TPRX1: variants seen among roughly 807,000 people sequenced by gnomAD.
TPRX1 encodes the protein tetra-peptide repeat homeobox protein 1.
Under a neutral mutation model 8.1 loss-of-function variants are expected in TPRX1, and 2 were observed. The ratio of observed to expected loss-of-function variants is 0.25; its 90% CI spans 0.10 to 0.78. The LOEUF is 0.78. Ranked by LOEUF, TPRX1 falls within the 30% of genes least tolerant of loss-of-function variation. The pLI is 0.70. For missense variants in TPRX1, 517 were observed against 586.9 expected, an observed-to-expected ratio of 0.88 and a Z score of 1.23; for synonymous variants, 257 against 254.1, an observed-to-expected ratio of 1.01 and a Z score of -0.11.
At chr19:47,817,515 G>A (rs145413642) in intron 2 of TPRX1, among the ~76,000 whole-genome samples, 111 of 152,324 alleles carry the variant, frequency 7.3e-4, no homozygotes, top group Non-Finnish European at 1.1e-3. Context: ...TCTCAGAGGA[G>A]GAAACTGAGG....
Position 47,803,079 on chromosome 19 carries a change from C to G in TPRX1, c.322-99G>C, listed in dbSNP as rs1347548719. 2.3e-5 allele frequency: 31 copies of G among 1,345,390 alleles called. No individual in the cohort carries two copies. In the East Asian group the frequency reaches 7.4e-4, roughly 32 times the overall value. 83.3% of individuals were successfully genotyped at this position (1,345,390 alleles called of 1,614,324 possible). On this transcript the variant is annotated intron_variant, in intron 3 of 3. Coordinates refer to ENST00000535759, the Ensembl canonical transcript of TPRX1. The stretch of plus-strand genomic sequence containing the variant: ...GGCCAGCCTGAAGCCTCTCCCTGTG[C>G]TCAACAGCCCCCCATCCCCCACCCC...
intron 2 of TPRX1, among the ~76,000 whole-genome samples, chr19:47,810,572 C>T (rs1240991491): frequency 6.6e-6 from 1 of 152,000 alleles, no homozygotes; most frequent in Non-Finnish European, 1.5e-5. Context: ...TGGTCTTGAA[C>T]TCCTGACCCT....
At chr19:47,810,458 C>T (rs1190031371) in intron 2 of TPRX1, among the ~76,000 whole-genome samples, 1 of 148,038 alleles carries the variant, frequency 6.8e-6, no homozygotes, top group Admixed American at 6.8e-5. Context: ...AAACCCTTCT[C>T]CTGCCTCAGC....
At chr19:47,811,490 T>G (rs1967781961) in intron 2 of TPRX1, among the ~76,000 whole-genome samples, 1 of 144,738 alleles carries the variant, frequency 6.9e-6, no homozygotes, top group South Asian at 2.2e-4. Context: ...ACCATGTTCA[T>G]GGCAACTTTT....
chr19:47,811,353 T>C (rs886627139), intron 2 of TPRX1, among the ~76,000 whole-genome samples: 1 of 151,696 alleles, frequency 6.6e-6, no homozygotes, highest in African/African-American at 2.4e-5. Flanking sequence ...CAATAAGGTG[T>C]CTTTAAACCG....
chr19:47,803,300 G>GGACA (rs1409208518), intron 3 of TPRX1, among the ~76,000 whole-genome samples: 3 of 151,812 alleles, frequency 2.0e-5, no homozygotes, highest in Non-Finnish European at 2.9e-5. Flanking sequence ...ACCCCGTGGG[G>GGACA]GACAGCCTGG....
chr19:47,815,687 C>G (rs1427834692), intron 2 of TPRX1, among the ~76,000 whole-genome samples: 1 of 147,378 alleles, frequency 6.8e-6, no homozygotes, highest in African/African-American at 2.5e-5. Context: ...TGGTGTGCAC[C>G]TGTAGTTCCA....
intron 2 of TPRX1, among the ~76,000 whole-genome samples, chr19:47,808,802 G>A (rs543696574): frequency 6.6e-6 from 1 of 152,096 alleles, no homozygotes; most frequent in South Asian, 2.1e-4. Flanking sequence ...TACTTGCTCC[G>A]CTGTGAATAA....
At chr19:47,807,632 C>G (rs888915876) in intron 2 of TPRX1, among the ~76,000 whole-genome samples, 2 of 152,230 alleles carry the variant, frequency 1.3e-5, no homozygotes, top group African/African-American at 2.4e-5. Context: ...CTTAGCTTCT[C>G]AAAGTGCTGG....
intron 2 of TPRX1, 73 bp from the exon 2 acceptor site, chr19:47,803,746 G>T: frequency 8.0e-6 from 6 of 752,500 alleles, no homozygotes; most frequent in Non-Finnish European, 1.2e-5. Flanking sequence ...CCCGTCCCCT[G>T]CACCAGGCCA....
Position 47,815,127 on chromosome 19 carries a change from T to TGCAAATATATATATATATGCAA in TPRX1, c.151+3340_151+3341insTTGCATATATATATATATTTGC, listed in dbSNP as rs200783256. ...TAAATAGATAAATTATATATATATA[T>TGCAAATATATATATATATGCAA]ATATATATATATATATGCAAATATA... On this transcript the variant is annotated intron_variant, in intron 2 of 3. Transcript: ENST00000535759. Among the ~76,000 whole-genome samples, 752 of 104,188 alleles carry TGCAAATATATATATATATGCAA rather than the reference T, an allele frequency of 7.2e-3. 8 individuals are homozygous for TGCAAATATATATATATATGCAA. The highest frequency in any genetic ancestry group is 0.012 in the Non-Finnish European group (579 of 49,952). The allele number at this position is 104,188 out of a possible 152,430, so 68.4% of individuals were successfully genotyped here.
chr19:47,803,918 G>C (rs570816455), intron 2 of TPRX1, among the ~76,000 whole-genome samples: 1 of 151,998 alleles, frequency 6.6e-6, no homozygotes, highest in Admixed American at 6.6e-5. Flanking sequence ...CGGAGCAGAC[G>C]GGGCTGCCTC....
At chr19:47,816,533 T>TTTA (rs1967842608) in intron 2 of TPRX1, among the ~76,000 whole-genome samples, 1 of 145,400 alleles carries the variant, frequency 6.9e-6, no homozygotes, top group African/African-American at 2.6e-5. Flanking sequence ...CTGGGAATTT[T>TTTA]TTTTTTTTTT....
chr19:47,816,756 T>A (rs1217922553), intron 2 of TPRX1, among the ~76,000 whole-genome samples: 9 of 151,488 alleles, frequency 5.9e-5, no homozygotes, highest in East Asian at 5.8e-4. Flanking sequence ...ATGGTCTCGA[T>A]CTCCTGACCT....
chr19:47,805,670 A>G (rs1444626608), intron 2 of TPRX1, among the ~76,000 whole-genome samples: 1 of 152,210 alleles, frequency 6.6e-6, no homozygotes, highest in African/African-American at 2.4e-5. Flanking sequence ...TGTAGAAAGC[A>G]GCATCCCCAG....
chr19:47,818,645 C>G (rs1276166472), intron 1 of TPRX1: 1 of 435,262 alleles, frequency 2.3e-6, no homozygotes, highest in Non-Finnish European at 4.6e-6. Context: ...GGAGCACCCC[C>G]ATCCTGCAGT....
intron 3 of TPRX1, 112 bp downstream of exon 2, chr19:47,803,392 C>A (rs1015282530): frequency 2.9e-6 from 2 of 680,186 alleles, no homozygotes; most frequent in East Asian, 5.5e-5. Context: ...TGGCGGGACC[C>A]CTTGCGTGGC....
chr19:47,803,197 G>A (rs370580045), intron 3 of TPRX1, among the ~76,000 whole-genome samples: 2 of 151,732 alleles, frequency 1.3e-5, no homozygotes, highest in South Asian at 4.1e-4. Context: ...TGGGAGGAGC[G>A]GGGTCTGCCG....
chr19:47,808,509 G>A (rs1967754950), intron 2 of TPRX1, among the ~76,000 whole-genome samples: 1 of 150,596 alleles, frequency 6.6e-6, no homozygotes, highest in African/African-American at 2.4e-5. Context: ...TGCAGATATC[G>A]GCTCACTGCA....
Sources: allele counts gnomAD v4.1 joint callset (sites outside exome capture counted in the v4.1 genomes callset), GRCh38; gene constraint gnomAD v4.1.1; transcripts MANE v1.5; gene names NCBI Gene and HGNC (gene_info 2026-07-23, HGNC 2026-07-21).